CHRNE: variants seen among roughly 807,000 people sequenced by gnomAD.
The protein encoded by CHRNE is cholinergic receptor nicotinic epsilon subunit, also known as acetylcholine receptor subunit epsilon.
A neutral mutation model predicts 56.5 loss-of-function variants in CHRNE; 58 were observed. That is an observed-to-expected ratio of 1.03 (90% CI 0.83 to 1.28). The LOEUF (loss-of-function observed/expected upper bound fraction) is 1.28, where lower values mean the gene tolerates loss of function less well. Among genes scored for constraint, CHRNE ranks in the 50% most tolerant of loss-of-function variants. The pLI, the probability that CHRNE is intolerant of heterozygous loss-of-function variation, is 0.00. For missense variants in CHRNE, 793 were observed against 688.9 expected, an observed-to-expected ratio of 1.15 and a Z score of -1.69; for synonymous variants, 385 against 297.9, an observed-to-expected ratio of 1.29 and a Z score of -3.01.
chr17:4,908,622 G>C (rs145612832), intron 1 of CHRNE, among the ~76,000 whole-genome samples: 1 of 152,086 alleles, frequency 6.6e-6, no homozygotes, highest in African/African-American at 2.4e-5. Flanking sequence ...CTGATGGTTC[G>C]TATTTTCATA....
Position 4,901,326 on chromosome 17 carries a change from G to T in CHRNE, c.602-136C>A, listed in dbSNP as rs975071666. ...GATGGGGGCAATTACGGACAGAAAA[G>T]GGCATTCTCGTTGAGGGTATGGAAA... On this transcript the variant is annotated intron_variant, in intron 6 of 11. Transcript: ENST00000649488. 2.5e-5 allele frequency: 26 copies of T among 1,042,506 alleles called. No homozygotes were observed. In the East Asian group the frequency reaches 2.8e-4, roughly 11 times the overall value. 64.6% of individuals were successfully genotyped at this position (1,042,506 alleles called of 1,614,324 possible).
chr17:4,901,654 C>G (rs754488221), intron 5 of CHRNE, 29 bp from the exon 6 acceptor site: 3 of 1,602,312 alleles, frequency 1.9e-6, no homozygotes, highest in South Asian at 2.2e-5. Flanking sequence ...GAGCCCACCC[C>G]AGAAGCTCTG....
At chr17:4,908,438 A>G (rs1259280191) in intron 1 of CHRNE, among the ~76,000 whole-genome samples, 2 of 152,026 alleles carry the variant, frequency 1.3e-5, no homozygotes, top group African/African-American at 4.8e-5. Context: ...ACATCACAGC[A>G]GTGCGTTCCT....
In CHRNE at chr17:4,901,033, G is replaced by A. The variant is rs1969966911; in HGVS notation, c.759C>T (p.Leu253=). The change falls in exon 7 of 12, where the codon CTC becomes CTT. Residue 253 remains leucine (L), a synonymous_variant. Transcript: ENST00000649488. ...YVINIIVPCV[L]ISGLVLLAYF... ...AGGCGAGCAGCACCAGGCCCGAGAT[G>A]AGCACACAGGGCACGATGATGTTAA... is the stretch of plus-strand genomic sequence containing the variant. The A allele has an allele frequency of 6.2e-7, 1 of 1,614,064 alleles. No homozygotes were observed.
intron 8 of CHRNE, chr17:4,900,174 G>A (rs759592722): frequency 3.2e-6 from 5 of 1,545,602 alleles, no homozygotes; most frequent in African/African-American, 1.4e-5. Flanking sequence ...TAGGATACGC[G>A]GCGATCGGGT....
In CHRNE at chr17:4,902,139, G is replaced by A. The variant is rs774758773; in HGVS notation, c.345-52C>T. On this transcript the variant is annotated intron_variant, in intron 4 of 11. Transcript: ENST00000649488. The surrounding 1 kb of genome is among the most constrained non-coding windows in gnomAD (Gnocchi z 4.0). ...TTGCACAGGTCTGCACCCTCTCAGA[G>A]TACCCCCTTCCCCAACCAAGTCCAG... 3.7e-6 allele frequency: 6 copies of A among 1,613,332 alleles called. 1 individual carries two copies. The highest frequency in any genetic ancestry group is 2.2e-5 in the South Asian group (2 of 91,048).
chr17:4,901,903 C>T (rs1567639440), intron 5 of CHRNE, 29 bp downstream of exon 5: 2 of 865,426 alleles, frequency 2.3e-6, no homozygotes, highest in Non-Finnish European at 3.6e-6. Flanking sequence ...CAACAATAAT[C>T]GTCCGGGCCT....
chr17:4,900,337 C>G, intron 8 of CHRNE: 1 of 1,546,348 alleles, frequency 6.5e-7, no homozygotes, highest in Non-Finnish European at 8.7e-7. Context: ...AGCCGGGTAG[C>G]CCAAGCCGCA....
chr17:4,900,416 G>A (rs35400274), intron 8 of CHRNE: 237,141 of 1,550,838 alleles, frequency 0.15, 20,474 homozygotes, highest in African/African-American at 0.37. Flanking sequence ...AGGGAGCATG[G>A]CTATGCCTGT....
chr17:4,905,011 G>A (rs964174817), upstream of CHRNE, among the ~76,000 whole-genome samples: 5 of 152,172 alleles, frequency 3.3e-5, no homozygotes, highest in African/African-American at 9.7e-5. Flanking sequence ...CAGAGCTTCC[G>A]CGTCAAGGCT....
In CHRNE at chr17:4,899,508, C is replaced by T. The variant is rs760022829; in HGVS notation, c.992G>A (p.Arg331Gln). 11 of 1,603,608 alleles carry T rather than the reference C, an allele frequency of 6.9e-6. No individual in the cohort carries two copies. The highest frequency in any genetic ancestry group is 7.7e-6 in the Non-Finnish European group (9 of 1,176,310). Residue 331 changes from arginine to glutamine, a missense_variant, in exon 9 of 12, where the codon CGG becomes CAG. Transcript: ENST00000649488. Reference protein sequence around the residue: ...NCVIVLNVSQRTPTTHAMSPR... With the variant: ...NCVIVLNVSQQTPTTHAMSPR... ...GGACATGGCGTGGGTGGTGGGCGTC[C>T]GCTGGGACACGTTGAGCACGATGAC... is the stretch of plus-strand genomic sequence containing the variant.
intron 10 of CHRNE, 42 bp from the exon 11 acceptor site, chr17:4,899,149 C>A (rs201428928): frequency 3.1e-5 from 49 of 1,597,158 alleles, no homozygotes; most frequent in East Asian, 1.8e-4. Context: ...GAGCCTCCCC[C>A]CTGGCAGGCA....
At chr17:4,899,651 T>TCACAAA in intron 8 of CHRNE, 69 bp from the exon 9 acceptor site, 3 of 1,455,904 alleles carry the variant, frequency 2.1e-6, no homozygotes, top group Non-Finnish European at 2.8e-6. Context: ...CGCGCTGACC[T>TCACAAA]CACAAACACG....
intron 8 of CHRNE, chr17:4,900,101 G>T (rs77888472): frequency 2.5e-4 from 391 of 1,550,622 alleles, no homozygotes; most frequent in Non-Finnish European, 3.3e-4. Flanking sequence ...GGTGTTGAGA[G>T]AAGCCACAGC....
Position 4,899,340 on chromosome 17 carries a change from C to T in CHRNE, c.1077G>A (p.Pro359=). Residue 359 remains proline (P), a synonymous_variant, in exon 10 of 12, where the codon CCG becomes CCA. Transcript: ENST00000649488. Reference sequence around the variant, plus strand: ...GCGAGGCGGCCCGGGGGGCCTCGGGCGGCGGCGGGGAGCCCAGGAGGCGCG... The same window carrying T: ...GCGAGGCGGCCCGGGGGGCCTCGGGTGGCGGCGGGGAGCCCAGGAGGCGCG... ...LLPRLLGSPP[P]PEAPRAASPP... 1.3e-6 allele frequency: 2 copies of T among 1,547,314 alleles called. No individual in the cohort carries two copies. Among genetic ancestry groups the T allele is most frequent in the South Asian group, 1.2e-5 (1 of 85,420 alleles).
Position 4,900,350 on chromosome 17 carries a change from G to C in CHRNE, c.917+443C>G, listed in dbSNP as rs760806996. On this transcript the variant is annotated intron_variant, in intron 8 of 11. Coordinates refer to ENST00000649488, the MANE Select transcript of CHRNE (RefSeq NM_000080.4). ...TGAGCCGGGTAGCCCAAGCCGCAGGGCAGGGGGTTCGGCAAGCTGGGGCTG... is the reference window on the plus strand; with the variant it reads ...TGAGCCGGGTAGCCCAAGCCGCAGGCCAGGGGGTTCGGCAAGCTGGGGCTG... 40 of 1,547,676 alleles carry C rather than the reference G, an allele frequency of 2.6e-5. No individual in the cohort carries two copies. In the African/African-American group the frequency reaches 3.7e-4, roughly 14 times the overall value.
Position 4,902,447 on chromosome 17 carries a change from C to CA in CHRNE, c.234+2dup, listed in dbSNP as rs759278415. 3.1e-6 allele frequency: 5 copies of CA among 1,614,202 alleles called. No individual in the cohort carries two copies. The highest frequency in any genetic ancestry group is 4.2e-6 in the Non-Finnish European group (5 of 1,180,038). On this transcript the variant is annotated splice_region_variant and intron_variant, in intron 3 of 11. Coordinates refer to ENST00000649488, the MANE Select transcript of CHRNE (RefSeq NM_000080.4). This position sits in a 1 kb window ranked among gnomAD's most constrained non-coding sequence, Gnocchi z 4.0. ...CTCACACCATTCCCCAGATTTGACT[C>CA]ACGATTCCAATCCAGACGCTAGTGG...
Position 4,902,373 on chromosome 17 carries a change from G to A in CHRNE, c.235-47C>T. ...GCCGCGTGCCCTGCATCTCCCACCT[G>A]GCGCTGCCTGGGAGGGGTTTGGGGG... On this transcript the variant is annotated intron_variant, in intron 3 of 11. Coordinates refer to ENST00000649488, the MANE Select transcript of CHRNE (RefSeq NM_000080.4). The surrounding 1 kb of genome is among the most constrained non-coding windows in gnomAD (Gnocchi z 4.0). 1 of 1,613,326 alleles carries A rather than the reference G, an allele frequency of 6.2e-7. No individual in the cohort carries two copies. Among genetic ancestry groups the A allele is most frequent in the Non-Finnish European group, 8.5e-7 (1 of 1,179,226 alleles).
chr17:4,907,774 G>C (rs1970110125), upstream of CHRNE, among the ~76,000 whole-genome samples: 1 of 152,110 alleles, frequency 6.6e-6, no homozygotes, highest in Non-Finnish European at 1.5e-5. Flanking sequence ...GGGTGAGGTG[G>C]CTCGTGCCTG....
Sources: allele counts gnomAD v4.1 joint callset (sites outside exome capture counted in the v4.1 genomes callset), GRCh38; gene constraint gnomAD v4.1.1; non-coding constraint Gnocchi (gnomAD v3.1); transcripts MANE v1.5; gene names NCBI Gene and HGNC (gene_info 2026-07-23, HGNC 2026-07-21).